Variants in DENND4B observed in about 807,000 individuals in gnomAD.
DENND4B encodes the protein DENN domain containing 4B, also known as DENN domain-containing protein 4B.
In DENND4B, 67 loss-of-function variants were observed where a neutral mutation model predicts 161.0. The ratio of observed to expected loss-of-function variants is 0.42; its 90% confidence interval spans 0.34 to 0.51. The LOEUF is 0.51. DENND4B is among the 20% of genes least tolerant of loss of function. The probability of loss-of-function intolerance (pLI) is 0.08; values close to 1 mark genes in which losing one functional copy is unlikely to be tolerated. For synonymous variants in DENND4B, 753 were observed against 813.8 expected (o/e 0.93, Z 1.27); for missense variants, 1,481 against 1,968.0 (o/e 0.75, Z 4.68).
Position 153,934,417 on chromosome 1 carries a change from T to C in DENND4B, c.2774-115A>G, listed in dbSNP as rs1318889622. Reference sequence around the variant, plus strand: ...GCAGGGTTCCTCCCAGGCAAAACTTTATCCGTTTTGTGTTTGTTTGTTTGT... The same window carrying C: ...GCAGGGTTCCTCCCAGGCAAAACTTCATCCGTTTTGTGTTTGTTTGTTTGT... On this transcript the variant is annotated intron_variant, in intron 18 of 27. Coordinates refer to ENST00000361217, the MANE Select transcript of DENND4B (RefSeq NM_014856.3). The surrounding 1 kb of genome is among the most constrained non-coding windows in gnomAD (Gnocchi z 5.3). 3.0e-6 allele frequency: 4 copies of C among 1,354,682 alleles called. No homozygotes were observed. Among genetic ancestry groups the C allele is most frequent in the Non-Finnish European group, 4.0e-6 (4 of 1,000,490 alleles). 83.9% of individuals were successfully genotyped at this position (1,354,682 alleles called of 1,614,324 possible). A position where few individuals can be genotyped will look rare whatever the true frequency, so the allele number is the denominator to read the frequency against.
At position 153,942,314 on chromosome 1, in the gene DENND4B, G is replaced by C. The variant is rs775781942; in HGVS notation, c.683C>G (p.Pro228Arg). 1.2e-6 allele frequency: 2 copies of C among 1,613,612 alleles called. No individual in the cohort carries two copies. Among genetic ancestry groups the C allele is most frequent in the Non-Finnish European group, 1.7e-6 (2 of 1,179,776 alleles). ...RYPEEDNEAF[P>R]LPESVPVFCL... ...GAAGACGGGCACTGACTCGGGCAGC[G>C]GGAACGCCTCATTGTCCTCCTCCGG... The change falls in exon 5 of 28, where the codon CCG becomes CGG. Residue 228 changes from proline (P) to arginine (R), a missense_variant. By Grantham distance (103) the Pro-to-Arg change is moderately radical (BLOSUM62 -2). Around this residue, in one of 3 missense-constraint regions of DENND4B, gnomAD observed 806 missense variants for 1,134.4 expected, o/e 0.71. Transcript: ENST00000361217. The surrounding 1 kb of genome is among the most constrained non-coding windows in gnomAD (Gnocchi z 6.9).
rs753338873 is a variant in DENND4B, at chr1:153,942,340, G to A, written c.657C>T (p.Tyr219=). Residue 219 remains tyrosine, a synonymous_variant, in exon 5 of 28, where the codon TAC becomes TAT. Transcript: ENST00000361217. The surrounding 1 kb of genome is among the most constrained non-coding windows in gnomAD (Gnocchi z 6.9). ...LVYEAELLGR[Y]PEEDNEAFPL... is the part of the protein sequence containing the mutation. ...GGAACGCCTCATTGTCCTCCTCCGG[G>A]TAGCGGCCCAGCAGCTCTGCACCCC... The A allele has an allele frequency of 6.2e-7, 1 of 1,612,508 alleles. No individual in the cohort carries two copies. Among genetic ancestry groups the A allele is most frequent in the East Asian group, 2.2e-5 (1 of 44,858 alleles).
Position 153,940,637 on chromosome 1 carries a change from CAG to C in DENND4B, c.1327-33_1327-32del. 6 of 1,602,938 alleles carry C rather than the reference CAG, an allele frequency of 3.7e-6. No homozygotes were observed. Among genetic ancestry groups the C allele is most frequent in the Non-Finnish European group, 5.1e-6 (6 of 1,174,792 alleles). ...GCACCAGGCAGTGAGAACCAGTGAA[CAG>C]GGGGTTGAGGCAGCAGTGGGAGGCA... On this transcript the variant is annotated intron_variant, in intron 9 of 27. Coordinates refer to ENST00000361217, the MANE Select transcript of DENND4B (RefSeq NM_014856.3). The surrounding 1 kb of genome is among the most constrained non-coding windows in gnomAD (Gnocchi z 5.6).
chr1:153,940,811 C>G lies in DENND4B; in HGVS notation c.1326+93G>C. ...AGGGAAAGGGGCTGAGGATCCTCCACAAGGAAGGAAAAGGGAAGAGTCCAG... is the reference window on the plus strand; with the variant it reads ...AGGGAAAGGGGCTGAGGATCCTCCAGAAGGAAGGAAAAGGGAAGAGTCCAG... On this transcript the variant is annotated intron_variant, in intron 9 of 27. Coordinates refer to ENST00000361217, the MANE Select transcript of DENND4B (RefSeq NM_014856.3). This position sits in a 1 kb window ranked among gnomAD's most constrained non-coding sequence, Gnocchi z 5.6. The G allele has an allele frequency of 6.7e-7, 1 of 1,481,572 alleles. No homozygotes were observed. Among genetic ancestry groups the G allele is most frequent in the South Asian group, 1.4e-5 (1 of 71,608 alleles). The allele number at this position is 1,481,572 out of a possible 1,614,324, so 91.8% of individuals were successfully genotyped here.
rs200129459 is a variant in DENND4B at position 153,942,612 on chromosome 1, A to G, written c.584T>C (p.Val195Ala). The G allele has an allele frequency of 3.1e-6, 5 of 1,595,002 alleles. No homozygotes were observed. In the African/African-American group the frequency reaches 4.0e-5, roughly 13 times the overall value. Residue 195 changes from valine to alanine, a missense_variant, in exon 4 of 28, where the codon GTG (valine) becomes GCG (alanine). Physicochemically the swap from Val to Ala is moderately conservative, Grantham distance 64 (BLOSUM62 0). Around this residue, in one of 3 missense-constraint regions of DENND4B, gnomAD observed 806 missense variants for 1,134.4 expected, o/e 0.71. Transcript: ENST00000361217. This position sits in a 1 kb window ranked among gnomAD's most constrained non-coding sequence, Gnocchi z 6.9. Reference protein sequence around the residue: ...NLNPGMWGPAVYLCYKVGLAK... With the variant: ...NLNPGMWGPAAYLCYKVGLAK... ...CAGGCCCACCTTATAGCACAGGTAC[A>G]CTGCTGGGCCCCACTACCCCAGAAA...
At position 153,944,854 on chromosome 1, in the gene DENND4B, T is replaced by C. The variant is rs1679876606; in HGVS notation, c.-23-457A>G. On this transcript the variant is annotated intron_variant, in intron 1 of 27. Coordinates refer to ENST00000361217, the MANE Select transcript of DENND4B (RefSeq NM_014856.3). This position sits in a 1 kb window ranked among gnomAD's most constrained non-coding sequence, Gnocchi z 4.8. ...CATAAGAACCTTGTGATCCTGCCAA[T>C]GTTCTTAAAGAGCCCACTCCTAGGT... Among the ~76,000 whole-genome samples, 1 of 152,174 alleles carries C rather than the reference T, an allele frequency of 6.6e-6. No homozygotes were observed. The highest frequency in any genetic ancestry group is 6.5e-5 in the Admixed American group (1 of 15,278).
At position 153,932,579 on chromosome 1, in the gene DENND4B, AC is replaced by A. The variant is rs1363099806; in HGVS notation, c.3759+62del. On this transcript the variant is annotated intron_variant, in intron 23 of 27. Transcript: ENST00000361217. This position sits in a 1 kb window ranked among gnomAD's most constrained non-coding sequence, Gnocchi z 5.8. ...AGAGATGTGCCCATCTCTCCCTGGC[AC>A]CCCACAGGCCCCACACAGGGCAACA... is the stretch of plus-strand genomic sequence containing the variant. 3 of 1,576,144 alleles carry A rather than the reference AC, an allele frequency of 1.9e-6. No individual in the cohort carries two copies. Among genetic ancestry groups the A allele is most frequent in the Non-Finnish European group, 2.6e-6 (3 of 1,158,832 alleles).
At chr1:153,939,533 G>A (rs189161351) in intron 12 of DENND4B, 56 bp downstream of exon 12, 20 of 1,540,656 alleles carry the variant, frequency 1.3e-5, no homozygotes. Flanking sequence ...ACAGAGCCCA[G>A]CCCCTCGCCA....
chr1:153,941,772 C>CCCGGGGGGCGG, intron 6 of DENND4B, 97 bp downstream of exon 6: 1 of 1,464,446 alleles, frequency 6.8e-7, no homozygotes, highest in Non-Finnish European at 9.3e-7. Flanking sequence ...TACCCTGTGC[C>CCCGGGGGGCGG]CAGCCCTCCC....
intron 2 of DENND4B, 99 bp downstream of exon 2, chr1:153,943,959 T>A: frequency 7.5e-7 from 1 of 1,336,350 alleles, no homozygotes; most frequent in Middle Eastern, 2.2e-4. Flanking sequence ...CAGGCTCCCA[T>A]CCCCATTGCC....
Position 153,940,090 on chromosome 1 carries a change from C to A in DENND4B, c.1603+66G>T. On this transcript the variant is annotated intron_variant, in intron 11 of 27. Transcript: ENST00000361217. This position sits in a 1 kb window ranked among gnomAD's most constrained non-coding sequence, Gnocchi z 5.6. ...AAGAAATGTCTAGCTCCCCACAGAC[C>A]TCTGCAAACTGGAGGTTTGAGGGCA... 1 of 1,371,570 alleles carries A rather than the reference C, an allele frequency of 7.3e-7. No individual in the cohort carries two copies. Among genetic ancestry groups the A allele is most frequent in the South Asian group, 1.4e-5 (1 of 69,420 alleles). 85.0% of individuals were successfully genotyped at this position (1,371,570 alleles called of 1,614,324 possible). A position where few individuals can be genotyped will look rare whatever the true frequency, so the allele number is the denominator to read the frequency against.
At chr1:153,935,220 T>C (rs1197773102) in intron 17 of DENND4B, 1 of 555,374 alleles carries the variant, frequency 1.8e-6, no homozygotes, top group Non-Finnish European at 3.1e-6. Context: ...AAATATAAAA[T>C]ATATGGCTCT....
At position 153,941,974 on chromosome 1, in the gene DENND4B, G is replaced by A. The variant is rs1166330809; in HGVS notation, c.950C>T (p.Ala317Val). 6.2e-7 allele frequency: 1 copy of A among 1,612,228 alleles called. No homozygotes were observed. The change falls in exon 6 of 28, where the codon GCC becomes GTC. Residue 317 changes from alanine to valine, a missense_variant. Physicochemically the swap from Ala to Val is moderately conservative, Grantham distance 64 (BLOSUM62 0). This residue lies in a region of DENND4B where 806 missense variants were observed against 1,134.4 expected (regional missense o/e 0.71). Coordinates refer to ENST00000361217, the MANE Select transcript of DENND4B (RefSeq NM_014856.3). ...LGGRAVRSRRAIAVLSRWPAF... is the reference protein window; with the variant it reads ...LGGRAVRSRRVIAVLSRWPAF... ...AGGCCAGCGGGACAGCACAGCGATG[G>A]CACGCCGGCTGCGCACAGCTCTGCC...
At position 153,940,137 on chromosome 1, in the gene DENND4B, C is replaced by G. The variant is rs768236761; in HGVS notation, c.1603+19G>C. The G allele has an allele frequency of 6.5e-7, 1 of 1,542,058 alleles. No individual in the cohort carries two copies. Among genetic ancestry groups the G allele is most frequent in the Admixed American group, 2.1e-5 (1 of 46,532 alleles). Reference sequence around the variant, plus strand: ...GGCAATGACAGTTCCCAGCCTCCCTCCCCACCCAGGCTTCTCACTCTGGTC... The same window carrying G: ...GGCAATGACAGTTCCCAGCCTCCCTGCCCACCCAGGCTTCTCACTCTGGTC... On this transcript the variant is annotated intron_variant, in intron 11 of 27. Coordinates refer to ENST00000361217, the MANE Select transcript of DENND4B (RefSeq NM_014856.3). The surrounding 1 kb of genome is among the most constrained non-coding windows in gnomAD (Gnocchi z 5.6).
chr1:153,938,227 G>A (rs1679462002), intron 13 of DENND4B, among the ~76,000 whole-genome samples: 1 of 151,920 alleles, frequency 6.6e-6, no homozygotes, highest in Admixed American at 6.6e-5. Context: ...TGGCCAACAT[G>A]GTGAAACCCT....
chr1:153,932,633 A>G lies in DENND4B; in HGVS notation c.3759+9T>C. 1 of 1,609,768 alleles carries G rather than the reference A, an allele frequency of 6.2e-7. No individual in the cohort carries two copies. The highest frequency in any genetic ancestry group is 1.1e-5 in the South Asian group (1 of 90,804). The stretch of plus-strand genomic sequence containing the variant: ...CCCGTTCCTCATGCCCCTTTGGCCC[A>G]GCCCTTACCCCCATGTGCCCGTTGC... On this transcript the variant is annotated intron_variant, in intron 23 of 27. Coordinates refer to ENST00000361217, the MANE Select transcript of DENND4B (RefSeq NM_014856.3). This position sits in a 1 kb window ranked among gnomAD's most constrained non-coding sequence, Gnocchi z 5.8.
chr1:153,936,123 G>A lies in DENND4B; in HGVS notation c.2505C>T (p.Val835=), dbSNP rs766761459. The part of the protein sequence containing the change: ...HYGQPVLSVR[V]MLEMRQAGIV... The stretch of plus-strand genomic sequence containing the variant: ...TGCCTGCCTGACGCATCTCCAGCAT[G>A]ACCCGCACAGACAGCACAGGCTGCC... Residue 835 remains valine, a synonymous_variant, in exon 17 of 28, where the codon GTC becomes GTT. Transcript: ENST00000361217. The surrounding 1 kb of genome is among the most constrained non-coding windows in gnomAD (Gnocchi z 4.1). The A allele has an allele frequency of 3.1e-6, 5 of 1,611,694 alleles. No homozygotes were observed. The African/African-American group carries it at 6.7e-5, about 22-fold the overall frequency.
At chr1:153,935,037 T>C in intron 17 of DENND4B, 73 bp from the exon 18 acceptor site, 4 of 1,575,576 alleles carry the variant, frequency 2.5e-6, no homozygotes, top group Non-Finnish European at 3.4e-6. Flanking sequence ...CTCCCTGTCT[T>C]GGAGCCCCAG....
In DENND4B at chr1:153,940,712, TGA is replaced by T. The variant is rs1557855709; in HGVS notation, c.1327-108_1327-107del. The T allele has an allele frequency of 3.4e-6, 5 of 1,478,250 alleles. No homozygotes were observed. In the African/African-American group the frequency reaches 4.2e-5, roughly 12 times the overall value. The allele number at this position is 1,478,250 out of a possible 1,614,324, so 91.6% of individuals were successfully genotyped here. ...TTGGCCTTGGGGAGTTGGTGCCTGTTGAGAGAGGCTGTTGGAAGTAGGCTCTA... is the reference window on the plus strand; with the variant it reads ...TTGGCCTTGGGGAGTTGGTGCCTGTTGAGAGGCTGTTGGAAGTAGGCTCTA... On this transcript the variant is annotated intron_variant, in intron 9 of 27. Transcript: ENST00000361217. This position sits in a 1 kb window ranked among gnomAD's most constrained non-coding sequence, Gnocchi z 5.6.
Sources: allele counts gnomAD v4.1 joint callset (sites outside exome capture counted in the v4.1 genomes callset), GRCh38; gene constraint gnomAD v4.1.1; regional missense constraint gnomAD v4.1.1; non-coding constraint Gnocchi (gnomAD v3.1); transcripts MANE v1.5; gene names NCBI Gene and HGNC (gene_info 2026-07-23, HGNC 2026-07-21).